DOCK2: variants seen among roughly 807,000 people sequenced by gnomAD.
DOCK2 encodes the protein dedicator of cytokinesis protein 2.
In DOCK2, 87 loss-of-function variants were observed where a neutral mutation model predicts 248.9. The observed-to-expected ratio is 0.35, with a 90% CI of 0.29 to 0.42. The LOEUF (loss-of-function observed/expected upper bound fraction) is 0.42. DOCK2 is among the 10% of genes least tolerant of loss of function. DOCK2 has a pLI of 1.00. For synonymous variants in DOCK2, 805 were observed against 821.6 expected, an observed-to-expected ratio of 0.98 and a Z score of 0.35; for missense variants, 1,747 against 2,300.2, an observed-to-expected ratio of 0.76 and a Z score of 4.92.
intron 7 of DOCK2, 87 bp from the exon 8 acceptor site, chr5:169,684,109 C>A (rs998656232): frequency 6.6e-7 from 1 of 1,524,754 alleles, no homozygotes; most frequent in South Asian, 1.2e-5. Flanking sequence ...AGGCTTGAAC[C>A]CAATATCCTT....
chr5:169,652,253 G>A (rs264880), intron 1 of DOCK2, among the ~76,000 whole-genome samples: 80,368 of 152,116 alleles, frequency 0.53, 21,290 homozygotes, highest in Non-Finnish European at 0.56. Flanking sequence ...CAAGCAGATC[G>A]CAGGTTGGGT....
At chr5:169,802,957 T>G in intron 25 of DOCK2, 101 bp from the exon 26 acceptor site, 1 of 1,375,548 alleles carries the variant, frequency 7.3e-7, no homozygotes, top group Non-Finnish European at 9.9e-7. Context: ...GGAGAATGTC[T>G]TCATGAACTA....
At chr5:169,801,782 T>C (rs991535499) in intron 25 of DOCK2, among the ~76,000 whole-genome samples, 2 of 151,318 alleles carry the variant, frequency 1.3e-5, no homozygotes, top group Non-Finnish European at 2.9e-5. Context: ...TTTGTCTTAT[T>C]CTAATTTCTG....
intron 22 of DOCK2, among the ~76,000 whole-genome samples, chr5:169,721,939 G>A (rs755824005): frequency 5.5e-4 from 83 of 152,184 alleles, no homozygotes; most frequent in Non-Finnish European, 5.1e-4. Flanking sequence ...TCTCTGATTA[G>A]GCACATGCCA....
Position 169,883,174 on chromosome 5 carries a change from C to A in DOCK2, c.2799+42322C>A, listed in dbSNP as rs958753349. The A allele has an allele frequency of 2.8e-5, 44 of 1,551,450 alleles. No individual in the cohort carries two copies. Among genetic ancestry groups the A allele is most frequent in the Admixed American group, 2.0e-4 (10 of 50,976 alleles). On this transcript the variant is annotated intron_variant, in intron 27 of 51. Coordinates refer to ENST00000520908, the MANE Select transcript of DOCK2 (RefSeq NM_004946.3). Reference sequence around the variant, plus strand: ...TAGTGGAGTCACCCTTCTCCCATCACCTGGACGTGTGTCATCCAAAGGGTG... The same window carrying A: ...TAGTGGAGTCACCCTTCTCCCATCAACTGGACGTGTGTCATCCAAAGGGTG...
At chr5:170,038,146 T>A (rs969479782) in intron 36 of DOCK2, among the ~76,000 whole-genome samples, 1 of 152,180 alleles carries the variant, frequency 6.6e-6, no homozygotes, top group Non-Finnish European at 1.5e-5. Context: ...CTTGGATAAA[T>A]TACTCAATCT....
chr5:170,002,383 A>G (rs1169196211), intron 30 of DOCK2, among the ~76,000 whole-genome samples: 2 of 152,232 alleles, frequency 1.3e-5, no homozygotes, highest in African/African-American at 4.8e-5. Flanking sequence ...TTTGCAAGAT[A>G]TATTGGTAAG....
At chr5:169,967,695 G>A (rs752293717) in intron 27 of DOCK2, among the ~76,000 whole-genome samples, 9 of 152,110 alleles carry the variant, frequency 5.9e-5, no homozygotes, top group Non-Finnish European at 1.3e-4. Context: ...TGATTAGAGG[G>A]GCCAGAGTGG....
At chr5:169,798,858 A>G (rs1161168749) in intron 25 of DOCK2, among the ~76,000 whole-genome samples, 1 of 152,194 alleles carries the variant, frequency 6.6e-6, no homozygotes, top group Non-Finnish European at 1.5e-5. Context: ...TGTAGGTCCA[A>G]CTGACCTCAT....
At chr5:169,782,990 A>G (rs1863992) in intron 25 of DOCK2, among the ~76,000 whole-genome samples, 69,570 of 152,064 alleles carry the variant, frequency 0.46, 18,619 homozygotes, top group Middle Eastern at 0.62. Context: ...AGAAAATACA[A>G]AGATGATGAA....
chr5:170,001,545 A>T (rs529219651), intron 30 of DOCK2, among the ~76,000 whole-genome samples: 1 of 152,280 alleles, frequency 6.6e-6, no homozygotes, highest in East Asian at 1.9e-4. Flanking sequence ...CAAGATATTG[A>T]ACCTCTCTGG....
At chr5:169,904,211 G>A (rs1057193725) in intron 27 of DOCK2, among the ~76,000 whole-genome samples, 6 of 151,918 alleles carry the variant, frequency 3.9e-5, no homozygotes, top group Admixed American at 2.6e-4. Context: ...TTGGCAAGAA[G>A]CCTGATGATT....
At chr5:170,002,042 T>G (rs1754852224) in intron 30 of DOCK2, among the ~76,000 whole-genome samples, 1 of 152,130 alleles carries the variant, frequency 6.6e-6, no homozygotes, top group Admixed American at 6.6e-5. Flanking sequence ...ATGGAACTGG[T>G]CATTGAACTG....
At chr5:169,982,769 C>T (rs190222872) in intron 27 of DOCK2, among the ~76,000 whole-genome samples, 9 of 152,330 alleles carry the variant, frequency 5.9e-5, no homozygotes, top group Non-Finnish European at 7.3e-5. Context: ...ACAGATGAGA[C>T]GATTGGGACT....
At chr5:169,766,211 T>G (rs1264188752) in intron 25 of DOCK2, among the ~76,000 whole-genome samples, 1 of 152,082 alleles carries the variant, frequency 6.6e-6, no homozygotes, top group Non-Finnish European at 1.5e-5. Context: ...TTTTGATCCT[T>G]ACCCTCCTCC....
At position 169,708,405 on chromosome 5, in the gene DOCK2, A is replaced by G. The variant is rs1442313205; in HGVS notation, c.1482+138A>G. On this transcript the variant is annotated intron_variant, in intron 15 of 51. Coordinates refer to ENST00000520908, the MANE Select transcript of DOCK2 (RefSeq NM_004946.3). The stretch of plus-strand genomic sequence containing the variant: ...TTTGTACTAATATTTCCTTCATTTT[A>G]TAGTTGAGGAAACTGGCACTGAACA... 5 of 897,964 alleles carry G rather than the reference A, an allele frequency of 5.6e-6. No homozygotes were observed. The Admixed American group carries it at 1.2e-4, about 22-fold the overall frequency. 55.6% of individuals were successfully genotyped at this position (897,964 alleles called of 1,614,324 possible).
At chr5:169,801,711 G>C (rs1447512764) in intron 25 of DOCK2, among the ~76,000 whole-genome samples, 1 of 152,134 alleles carries the variant, frequency 6.6e-6, no homozygotes, top group Non-Finnish European at 1.5e-5. Context: ...TGCTGTGCCA[G>C]AAGGAGTGGG....
intron 26 of DOCK2, among the ~76,000 whole-genome samples, chr5:169,819,765 C>A (rs376348826): frequency 2.6e-5 from 4 of 152,318 alleles, no homozygotes; most frequent in African/African-American, 9.6e-5. Context: ...ACTTGTCGGA[C>A]AGTGAGTGCA....
At chr5:169,902,465 C>T (rs529410603) in intron 27 of DOCK2, among the ~76,000 whole-genome samples, 184 of 152,268 alleles carry the variant, frequency 1.2e-3, no homozygotes, top group Non-Finnish European at 2.1e-3. Flanking sequence ...TGCTCTTATC[C>T]ACTACGTGAT....
Sources: allele counts gnomAD v4.1 joint callset (sites outside exome capture counted in the v4.1 genomes callset), GRCh38; gene constraint gnomAD v4.1.1; transcripts MANE v1.5; gene names NCBI Gene and HGNC (gene_info 2026-07-23, HGNC 2026-07-21).